Variants in SETD2 observed in about 807,000 individuals in gnomAD.
SETD2 encodes SET domain containing 2, histone lysine methyltransferase.
In SETD2, 31 loss-of-function variants were observed where a neutral mutation model predicts 242.1. The ratio of observed to expected loss-of-function variants is 0.13; its 90% confidence interval spans 0.10 to 0.17. SETD2 has a LOEUF of 0.17. Among genes scored for constraint, SETD2 ranks in the 10% least tolerant of loss-of-function variants. The pLI, the probability that SETD2 is intolerant of heterozygous loss-of-function variation, is 1.00. For synonymous variants in SETD2, 1,006 were observed against 1,066.5 expected (o/e 0.94, Z 1.11); for missense variants, 2,481 against 3,046.3 (o/e 0.81, Z 4.37).
At chr3:47,099,320 T>C (rs570626586) in intron 8 of SETD2, among the ~76,000 whole-genome samples, 1 of 152,316 alleles carries the variant, frequency 6.6e-6, no homozygotes, top group East Asian at 1.9e-4. Flanking sequence ...TTGATATAGG[T>C]ATAATCTGAA....
At chr3:47,153,567 T>C (rs1009472951) in intron 1 of SETD2, among the ~76,000 whole-genome samples, 14 of 152,040 alleles carry the variant, frequency 9.2e-5, no homozygotes, top group African/African-American at 1.7e-4. Context: ...TTGGGCAACA[T>C]AGTAAGACTC....
intron 1 of SETD2, among the ~76,000 whole-genome samples, chr3:47,158,158 TA>T (rs1276541985): frequency 6.6e-6 from 1 of 152,140 alleles, no homozygotes; most frequent in African/African-American, 2.4e-5. Flanking sequence ...TTTTAATGCA[TA>T]AGATAAAATA....
Position 47,056,347 on chromosome 3 carries a change from A to T in SETD2, c.6963+474T>A, listed in dbSNP as rs1575699729. The stretch of plus-strand genomic sequence containing the variant: ...TCACCATGTTGGCCCGGCTGATCTC[A>T]AACTCCTGACTTCAGGTGATCCGTC... On this transcript the variant is annotated intron_variant, in intron 15 of 20. Transcript: ENST00000409792. 1.3e-5 allele frequency among the ~76,000 whole-genome samples: 2 copies of T among 151,888 alleles called. 1 individual carries two copies. Among genetic ancestry groups the T allele is most frequent in the South Asian group, 4.2e-4 (2 of 4,810 alleles).
chr3:47,164,082 T>G lies in SETD2; in HGVS notation c.-158A>C. 1 of 1,178,812 alleles carries G rather than the reference T, an allele frequency of 8.5e-7. No individual in the cohort carries two copies. The highest frequency in any genetic ancestry group is 1.1e-6 in the Non-Finnish European group (1 of 946,416). The allele number at this position is 1,178,812 out of a possible 1,614,324, so 73.0% of individuals were successfully genotyped here. On this transcript the variant is annotated 5_prime_UTR_variant, in exon 1 of 21. Coordinates refer to ENST00000409792, the MANE Select transcript of SETD2 (RefSeq NM_014159.7). The surrounding 1 kb of genome is among the most constrained non-coding windows in gnomAD (Gnocchi z 5.4). ...CGTCGCTACCTCGCTCGTCGCTCCC[T>G]CCCTCCCTCGGACGCCCGCCAGCCG...
In SETD2 at chr3:47,122,752, T is replaced by C. The variant is rs764415786; in HGVS notation, c.1884A>G (p.Lys628=). 6.2e-7 allele frequency: 1 copy of C among 1,610,840 alleles called. No individual in the cohort carries two copies. The highest frequency in any genetic ancestry group is 1.3e-5 in the African/African-American group (1 of 74,748). The change falls in exon 3 of 21, where the codon AAA becomes AAG. Residue 628 remains lysine (K), a synonymous_variant. Transcript: ENST00000409792. ...TAAAAATAGGCAATTCATCTAGCTT[T>C]TTTAAAGTAGGTGAATCATTTAATC... is the stretch of plus-strand genomic sequence containing the variant. ...SNRLNDSPTL[K]KLDELPIFKS... is the part of the protein sequence containing the mutation.
chr3:47,136,663 C>A (rs1477256426), intron 1 of SETD2, among the ~76,000 whole-genome samples: 1 of 152,004 alleles, frequency 6.6e-6, no homozygotes, highest in Non-Finnish European at 1.5e-5. Flanking sequence ...TGAAAAATTA[C>A]CTAATGGGGG....
chr3:47,146,449 G>A (rs1386903561), intron 1 of SETD2, among the ~76,000 whole-genome samples: 14 of 152,102 alleles, frequency 9.2e-5, no homozygotes, highest in South Asian at 6.2e-4. Flanking sequence ...CCAACATAGC[G>A]AAACCCCGTC....
chr3:47,105,943 G>T (rs776714689), intron 6 of SETD2, 54 bp downstream of exon 6: 3 of 1,514,826 alleles, frequency 2.0e-6, no homozygotes, highest in East Asian at 4.6e-5. Flanking sequence ...AGTATCAATG[G>T]CTCCTTCAAA....
intron 18 of SETD2, among the ~76,000 whole-genome samples, chr3:47,032,422 T>C (rs948475921): frequency 6.6e-6 from 1 of 151,932 alleles, no homozygotes; most frequent in Non-Finnish European, 1.5e-5. Context: ...AGGTGGAGAC[T>C]ACAGTGAACC....
intron 1 of SETD2, among the ~76,000 whole-genome samples, chr3:47,152,946 C>G (rs184505694): frequency 2.0e-5 from 3 of 152,320 alleles, no homozygotes; most frequent in Admixed American, 6.5e-5. Context: ...TATGGGAATT[C>G]AGACCTATCT....
At chr3:47,144,260 A>G (rs527465054) in intron 1 of SETD2, among the ~76,000 whole-genome samples, 11 of 152,168 alleles carry the variant, frequency 7.2e-5, no homozygotes, top group Non-Finnish European at 1.3e-4. Context: ...TTGGGAGGCC[A>G]AGGCAGGAGG....
intron 12 of SETD2, among the ~76,000 whole-genome samples, chr3:47,071,105 G>A (rs1188689162): frequency 6.6e-6 from 1 of 152,142 alleles, no homozygotes; most frequent in Non-Finnish European, 1.5e-5. Flanking sequence ...CAAGTAGCTG[G>A]CCTACAGGTG....
rs759223152 is a variant in SETD2, at chr3:47,163,989, G to A, written c.-65C>T. 2.2e-3 allele frequency: 2,787 copies of A among 1,247,842 alleles called. 6 individuals carry two copies. The highest frequency in any genetic ancestry group is 2.6e-3 in the Non-Finnish European group (2,545 of 990,146). 77.3% of individuals were successfully genotyped at this position (1,247,842 alleles called of 1,614,324 possible). A position where few individuals can be genotyped will look rare whatever the true frequency, so the allele number is the denominator to read the frequency against. On this transcript the variant is annotated 5_prime_UTR_variant, in exon 1 of 21. Transcript: ENST00000409792. The stretch of plus-strand genomic sequence containing the variant: ...CAGCAGGGCGACGCGGGGGAGGGGA[G>A]GGGAGGAGGCCGCAGGTCCGACCGC...
intron 18 of SETD2, among the ~76,000 whole-genome samples, chr3:47,033,120 A>G (rs1270579977): frequency 6.6e-6 from 1 of 152,150 alleles, no homozygotes; most frequent in Non-Finnish European, 1.5e-5. Flanking sequence ...TATCCCCAAC[A>G]ATGCCCTTCC....
chr3:47,148,772 T>C (rs2043919456), intron 1 of SETD2, among the ~76,000 whole-genome samples: 1 of 152,158 alleles, frequency 6.6e-6, no homozygotes, highest in Admixed American at 6.5e-5. Context: ...TTTTTAAAAG[T>C]GGCCATAGGC....
intron 1 of SETD2, among the ~76,000 whole-genome samples, chr3:47,153,685 C>T (rs962554077): frequency 6.6e-6 from 1 of 150,908 alleles, no homozygotes; most frequent in South Asian, 2.1e-4. Flanking sequence ...CCCAAGAGTT[C>T]GAGGCTACAG....
intron 12 of SETD2, among the ~76,000 whole-genome samples, chr3:47,068,487 CACTA>C (rs2040662061): frequency 7.1e-6 from 1 of 140,750 alleles, no homozygotes; most frequent in African/African-American, 2.8e-5. Flanking sequence ...ATTTCAAATA[CACTA>C]TCTTTTTTTT....
At chr3:47,104,747 T>C (rs1434757471) in intron 6 of SETD2, among the ~76,000 whole-genome samples, 1 of 152,192 alleles carries the variant, frequency 6.6e-6, no homozygotes, top group Non-Finnish European at 1.5e-5. Context: ...GGCAGATTTC[T>C]GGCCACAAAA....
At chr3:47,113,752 T>C (rs1454147585) in intron 5 of SETD2, 124 bp downstream of exon 5, 1 of 818,440 alleles carries the variant, frequency 1.2e-6, no homozygotes, top group East Asian at 2.8e-5. Context: ...GGCAGGAGAA[T>C]TGCTTGAATC....
Sources: allele counts gnomAD v4.1 joint callset (sites outside exome capture counted in the v4.1 genomes callset), GRCh38; gene constraint gnomAD v4.1.1; non-coding constraint Gnocchi (gnomAD v3.1); transcripts MANE v1.5; gene names NCBI Gene and HGNC (gene_info 2026-07-23, HGNC 2026-07-21).